Variants in GALNT17 observed in about 807,000 individuals in gnomAD.
GALNT17 encodes the protein UDP-GalNAc:polypeptide N-acetylgalactosaminyltransferase-like 3.
GALNT17 carries 29 observed loss-of-function variants against 63.7 expected under a neutral mutation model. The ratio of observed to expected loss-of-function variants is 0.46; its 90% confidence interval spans 0.34 to 0.62. The LOEUF is 0.62. Ranked by LOEUF, GALNT17 falls within the 20% of genes least tolerant of loss-of-function variation. GALNT17 has a pLI of 0.01. For missense variants in GALNT17, 603 were observed against 799.6 expected (o/e 0.75, Z 2.97); for synonymous variants, 305 against 318.3 (o/e 0.96, Z 0.45).
intron 2 of GALNT17, among the ~76,000 whole-genome samples, chr7:71,336,276 C>T (rs1474292761): frequency 6.6e-6 from 1 of 152,068 alleles, no homozygotes; most frequent in Non-Finnish European, 1.5e-5. Flanking sequence ...AACTCCTGAC[C>T]TCAGGTGATC....
chr7:71,547,646 C>T (rs1789008490), intron 5 of GALNT17, among the ~76,000 whole-genome samples: 1 of 152,008 alleles, frequency 6.6e-6, no homozygotes, highest in Non-Finnish European at 1.5e-5. Flanking sequence ...AGGAGTGAAA[C>T]CCGCACTGAG....
chr7:71,267,400 T>G (rs1369231329), intron 1 of GALNT17, among the ~76,000 whole-genome samples: 1 of 150,954 alleles, frequency 6.6e-6, no homozygotes, highest in African/African-American at 2.4e-5. Context: ...GGAGGATATG[T>G]GGTTTTTAAC....
At chr7:71,411,690 C>T (rs559961557) in intron 3 of GALNT17, among the ~76,000 whole-genome samples, 2 of 152,288 alleles carry the variant, frequency 1.3e-5, no homozygotes, top group South Asian at 4.1e-4. Flanking sequence ...TGTATTGACC[C>T]TGCCCCTGCA....
rs567438761 is a variant in GALNT17 at position 71,614,580 on chromosome 7, G to A, written c.1080+43178G>A. ...AGCTGCAACGAGCAGTGATCACACT[G>A]TTGCACTCCAGCCTGGTGACAGAGT... On this transcript the variant is annotated intron_variant, in intron 6 of 10. Transcript: ENST00000333538. 1.2e-3 allele frequency among the ~76,000 whole-genome samples: 182 copies of A among 151,490 alleles called. 1 individual carries two copies. Among genetic ancestry groups the A allele is most frequent in the African/African-American group, 4.0e-3 (166 of 41,262 alleles).
chr7:71,694,075 G>A (rs1003462265), intron 9 of GALNT17, among the ~76,000 whole-genome samples: 5 of 152,068 alleles, frequency 3.3e-5, no homozygotes, highest in Non-Finnish European at 5.9e-5. Flanking sequence ...TCACAATCAC[G>A]GTGGAAGGTG....
chr7:71,138,946 G>T (rs1190834509), intron 1 of GALNT17, among the ~76,000 whole-genome samples: 1 of 152,188 alleles, frequency 6.6e-6, no homozygotes, highest in African/African-American at 2.4e-5. Context: ...CTGCACTCCA[G>T]TCTGGGCGAC....
chr7:71,514,785 G>A (rs1253397295), intron 5 of GALNT17, among the ~76,000 whole-genome samples: 2 of 152,194 alleles, frequency 1.3e-5, no homozygotes, highest in African/African-American at 4.8e-5. Flanking sequence ...CAGTTGGGCA[G>A]TGAATCATCC....
intron 5 of GALNT17, among the ~76,000 whole-genome samples, chr7:71,559,962 G>T (rs1342713651): frequency 6.6e-6 from 1 of 151,658 alleles, no homozygotes; most frequent in Admixed American, 6.6e-5. Context: ...TTGAGAGGCT[G>T]CAGCGGGCAA....
At chr7:71,463,815 A>C (rs757254839) in intron 5 of GALNT17, among the ~76,000 whole-genome samples, 5 of 152,170 alleles carry the variant, frequency 3.3e-5, no homozygotes, top group Non-Finnish European at 7.3e-5. Flanking sequence ...TTAGCATATA[A>C]TGAGCAGTGA....
chr7:71,392,127 A>T (rs1469996557), intron 3 of GALNT17, among the ~76,000 whole-genome samples: 1 of 152,176 alleles, frequency 6.6e-6, no homozygotes, highest in African/African-American at 2.4e-5. Context: ...AAATATTCAA[A>T]CCATATAGTA....
chr7:71,426,332 G>T (rs564649092), intron 5 of GALNT17, among the ~76,000 whole-genome samples: 1 of 152,172 alleles, frequency 6.6e-6, no homozygotes, highest in African/African-American at 2.4e-5. Flanking sequence ...GCTGAGGTTC[G>T]TCTATGTAAG....
chr7:71,238,028 G>A (rs890581303), intron 1 of GALNT17, among the ~76,000 whole-genome samples: 2 of 152,190 alleles, frequency 1.3e-5, no homozygotes, highest in Non-Finnish European at 2.9e-5. Flanking sequence ...GTGCTTAAGG[G>A]CGTGGCTTAG....
intron 2 of GALNT17, among the ~76,000 whole-genome samples, chr7:71,337,088 T>C (rs1420803988): frequency 6.6e-6 from 1 of 152,134 alleles, no homozygotes; most frequent in Admixed American, 6.5e-5. Flanking sequence ...TAAAAAAAAA[T>C]CACCATGATC....
intron 1 of GALNT17, among the ~76,000 whole-genome samples, chr7:71,331,551 T>G (rs1463398172): frequency 6.6e-6 from 1 of 151,994 alleles, no homozygotes; most frequent in African/African-American, 2.4e-5. Context: ...TATACAAAAT[T>G]GTTTTAAAAA....
intron 1 of GALNT17, among the ~76,000 whole-genome samples, chr7:71,324,111 C>G (rs1583861677): frequency 6.6e-6 from 1 of 152,264 alleles, no homozygotes; most frequent in African/African-American, 2.4e-5. Context: ...CGAGGCTGGG[C>G]AAGGACTCCA....
chr7:71,368,163 C>A (rs538882750), intron 2 of GALNT17, among the ~76,000 whole-genome samples: 1 of 152,332 alleles, frequency 6.6e-6, no homozygotes, highest in Admixed American at 6.5e-5. Context: ...TGAAGGGATG[C>A]TATGTTGTTC....
At chr7:71,209,696 A>C (rs916033297) in intron 1 of GALNT17, among the ~76,000 whole-genome samples, 2 of 151,898 alleles carry the variant, frequency 1.3e-5, no homozygotes, top group Admixed American at 6.6e-5. Context: ...GCGTTTTGCC[A>C]TATTGCCTAT....
At chr7:71,420,574 C>T (rs1222716254) in intron 4 of GALNT17, among the ~76,000 whole-genome samples, 2 of 152,130 alleles carry the variant, frequency 1.3e-5, no homozygotes, top group Admixed American at 6.5e-5. Context: ...TGGAGTCCAC[C>T]GTCAGTATGA....
intron 5 of GALNT17, among the ~76,000 whole-genome samples, chr7:71,426,705 A>T (rs1786766896): frequency 6.6e-6 from 1 of 152,092 alleles, no homozygotes; most frequent in South Asian, 2.1e-4. Flanking sequence ...CTGATAACTG[A>T]GGTCAGGAGT....
Sources: allele counts gnomAD v4.1 joint callset (sites outside exome capture counted in the v4.1 genomes callset), GRCh38; gene constraint gnomAD v4.1.1; transcripts MANE v1.5; gene names NCBI Gene and HGNC (gene_info 2026-07-23, HGNC 2026-07-21).